Variants in SIL1 observed in about 807,000 individuals in gnomAD.
SIL1 encodes the protein nucleotide exchange factor SIL1.
In SIL1, 40 loss-of-function variants were observed where a neutral mutation model predicts 49.1. The observed-to-expected ratio is 0.81, with a 90% CI of 0.63 to 1.06. SIL1 has a LOEUF of 1.06. Ranked by LOEUF, SIL1 falls within the 50% of genes least tolerant of loss-of-function variation. The pLI, the probability that SIL1 is intolerant of heterozygous loss-of-function variation, is 0.00. For missense variants in SIL1, 500 were observed against 572.6 expected, an observed-to-expected ratio of 0.87 and a Z score of 1.29; for synonymous variants, 253 against 250.8, an observed-to-expected ratio of 1.01 and a Z score of -0.08.
At chr5:138,988,814 A>G (rs1193360179) in intron 7 of SIL1, among the ~76,000 whole-genome samples, 2 of 152,144 alleles carry the variant, frequency 1.3e-5, no homozygotes, top group Non-Finnish European at 2.9e-5. Context: ...TTGAAGCTGC[A>G]CTAAGCTATG....
intron 1 of SIL1, among the ~76,000 whole-genome samples, chr5:139,143,393 G>A (rs1195867267): frequency 3.5e-5 from 5 of 142,966 alleles, no homozygotes; most frequent in African/African-American, 8.1e-5. Context: ...TTGTTAAGAT[G>A]GAGTTTCGCT....
intron 3 of SIL1, among the ~76,000 whole-genome samples, chr5:139,118,474 T>C (rs1214372032): frequency 6.6e-6 from 1 of 152,148 alleles, no homozygotes; most frequent in African/African-American, 2.4e-5. Context: ...GGCAGGACAC[T>C]TCCCCCATGC....
At chr5:139,167,586 TTA>T (rs1751650011) in intron 1 of SIL1, among the ~76,000 whole-genome samples, 1 of 152,264 alleles carries the variant, frequency 6.6e-6, no homozygotes, top group Admixed American at 6.5e-5. Context: ...TAAGCTGTTA[TTA>T]TGAGTCAACA....
chr5:139,003,854 C>A (rs1362446191), intron 7 of SIL1, among the ~76,000 whole-genome samples: 1 of 152,198 alleles, frequency 6.6e-6, no homozygotes, highest in African/African-American at 2.4e-5. Flanking sequence ...TTTCTAATAA[C>A]CTCAGCCCGT....
intron 1 of SIL1, among the ~76,000 whole-genome samples, chr5:139,147,100 A>G (rs944987270): frequency 6.6e-6 from 1 of 152,244 alleles, no homozygotes; most frequent in Middle Eastern, 3.2e-3. Context: ...AGACGAACAG[A>G]TAAGCAAATA....
At chr5:138,951,919 G>A (rs1215101407) in intron 7 of SIL1, 35 bp from the exon 8 acceptor site, 1 of 1,567,848 alleles carries the variant, frequency 6.4e-7, no homozygotes. Flanking sequence ...TGACTACCCT[G>A]CCCAGCCCAG....
intron 2 of SIL1, among the ~76,000 whole-genome samples, chr5:139,122,489 G>A (rs1483854505): frequency 2.0e-5 from 3 of 152,006 alleles, no homozygotes; most frequent in Admixed American, 6.6e-5. Flanking sequence ...CAGCTACTTG[G>A]GCGGCTGAGG....
At chr5:138,968,537 T>A (rs1007262918) in intron 7 of SIL1, among the ~76,000 whole-genome samples, 20 of 151,960 alleles carry the variant, frequency 1.3e-4, no homozygotes, top group African/African-American at 4.6e-4. Context: ...TCAGACACGA[T>A]CTCCTCAGAG....
At position 138,947,669 on chromosome 5, in the gene SIL1, G is replaced by T. The variant is rs151025547; in HGVS notation, c.1030-196C>A. On this transcript the variant is annotated intron_variant, in intron 9 of 9. Coordinates refer to ENST00000394817, the MANE Select transcript of SIL1 (RefSeq NM_022464.5). The surrounding 1 kb of genome is among the most constrained non-coding windows in gnomAD (Gnocchi z 4.1). ...TTCATCCACCAACAGAAACACTTGTGTGGTGCCAGGTGCTGAAGAAACCAC... is the reference window on the plus strand; with the variant it reads ...TTCATCCACCAACAGAAACACTTGTTTGGTGCCAGGTGCTGAAGAAACCAC... 9.9e-3 allele frequency among the ~76,000 whole-genome samples: 1,510 copies of T among 152,350 alleles called. 28 individuals carry two copies. Among genetic ancestry groups the T allele is most frequent in the African/African-American group, 0.03 (1,228 of 41,576 alleles).
chr5:139,021,335 C>T, intron 6 of SIL1, 43 bp from the exon 7 acceptor site: 1 of 1,611,746 alleles, frequency 6.2e-7, no homozygotes, highest in Non-Finnish European at 8.5e-7. Context: ...CCATCAGGGA[C>T]AGGAAAGCTG....
chr5:139,120,803 G>A (rs967032537), intron 3 of SIL1, among the ~76,000 whole-genome samples: 7 of 152,096 alleles, frequency 4.6e-5, no homozygotes, highest in African/African-American at 1.2e-4. Flanking sequence ...CAGAAACCAC[G>A]GCCACCCACC....
At chr5:139,164,782 A>C (rs1399276125) in intron 1 of SIL1, among the ~76,000 whole-genome samples, 1 of 152,086 alleles carries the variant, frequency 6.6e-6, no homozygotes, top group East Asian at 1.9e-4. Flanking sequence ...TGAGGACTAA[A>C]CTCTGATTTT....
chr5:139,085,100 T>TA (rs1168976669), intron 3 of SIL1, among the ~76,000 whole-genome samples: 2 of 152,022 alleles, frequency 1.3e-5, no homozygotes, highest in African/African-American at 4.8e-5. Context: ...TTTTAACAGG[T>TA]AAAAATGATA....
chr5:139,049,454 G>T (rs938802127), intron 4 of SIL1, among the ~76,000 whole-genome samples: 1 of 151,888 alleles, frequency 6.6e-6, no homozygotes, highest in Non-Finnish European at 1.5e-5. Context: ...TGGGATTACA[G>T]GTGTGAGCCA....
chr5:139,182,228 A>AC (rs1751997585), intron 1 of SIL1, among the ~76,000 whole-genome samples: 1 of 152,184 alleles, frequency 6.6e-6, no homozygotes, highest in Non-Finnish European at 1.5e-5. Flanking sequence ...ACAAAAAGGC[A>AC]CTGTTCCCTA....
At chr5:139,189,252 T>A (rs2151822740) in intron 1 of SIL1, among the ~76,000 whole-genome samples, 1 of 152,322 alleles carries the variant, frequency 6.6e-6, no homozygotes, top group East Asian at 1.9e-4. Context: ...GCTTCATCTG[T>A]ATTTACAGCT....
At chr5:138,985,196 A>C (rs1767625783) in intron 7 of SIL1, among the ~76,000 whole-genome samples, 1 of 152,212 alleles carries the variant, frequency 6.6e-6, no homozygotes, top group African/African-American at 2.4e-5. Context: ...AGAGTGCCAG[A>C]GTTAAGAAAT....
chr5:138,985,110 G>A (rs544842920), intron 7 of SIL1, among the ~76,000 whole-genome samples: 1 of 152,294 alleles, frequency 6.6e-6, no homozygotes, highest in South Asian at 2.1e-4. Flanking sequence ...CATGGGCCCT[G>A]GTTCACCAGC....
At chr5:138,961,515 G>A (rs1767019201) in intron 7 of SIL1, among the ~76,000 whole-genome samples, 1 of 152,092 alleles carries the variant, frequency 6.6e-6, no homozygotes, top group South Asian at 2.1e-4. Context: ...GTGGCCTAAA[G>A]CCTTCCTTGC....
Sources: gnomAD v4.1 joint callset for allele counts (sites outside exome capture counted in the v4.1 genomes callset) on GRCh38, gnomAD v4.1.1 for gene constraint, Gnocchi (gnomAD v3.1) non-coding constraint, MANE v1.5 for transcripts, NCBI Gene and HGNC (gene_info 2026-07-23, HGNC 2026-07-21) for gene names.